Variants in ECHDC1 observed in about 807,000 individuals in gnomAD.
ECHDC1 encodes the protein ethylmalonyl-CoA decarboxylase 1.
In ECHDC1, 29 loss-of-function variants were observed where a neutral mutation model predicts 29.7. That is an observed-to-expected ratio of 0.98 (90% CI 0.73 to 1.33). The LOEUF (loss-of-function observed/expected upper bound fraction) is 1.33. ECHDC1 is among the 40% of genes most tolerant of loss of function. The probability of loss-of-function intolerance (pLI) is 0.00; values close to 1 mark genes in which losing one functional copy is unlikely to be tolerated. For missense variants in ECHDC1, 328 were observed against 350.0 expected, an observed-to-expected ratio of 0.94 and a Z score of 0.50; for synonymous variants, 126 against 123.1, an observed-to-expected ratio of 1.02 and a Z score of -0.15.
At chr6:127,294,651 A>G (rs1277366789) in intron 5 of ECHDC1, 1 of 152,126 alleles carries the variant, frequency 6.6e-6, no homozygotes, top group Non-Finnish European at 1.5e-5. Context: ...AGATATAAAA[A>G]TGTTTTGTGA....
chr6:127,321,901 G>T (rs1209520195), intron 3 of ECHDC1, among the ~76,000 whole-genome samples: 1 of 152,142 alleles, frequency 6.6e-6, no homozygotes, highest in East Asian at 1.9e-4. Context: ...TACTTGGGAG[G>T]CTGAGGCAGG....
intron 1 of ECHDC1, among the ~76,000 whole-genome samples, chr6:127,333,851 CTTCT>C (rs1358931176): frequency 7.2e-5 from 11 of 152,104 alleles, no homozygotes; most frequent in African/African-American, 1.2e-4. Flanking sequence ...AGTATCACTT[CTTCT>C]TTGTTTTTTC....
At chr6:127,293,336 T>A (rs1780348280) in intron 5 of ECHDC1, among the ~76,000 whole-genome samples, 1 of 152,156 alleles carries the variant, frequency 6.6e-6, no homozygotes. Flanking sequence ...GTAAATTCTG[T>A]GATGAAGGAT....
At chr6:127,342,454 A>G in intron 1 of ECHDC1, 2 of 1,410,982 alleles carry the variant, frequency 1.4e-6, no homozygotes, top group Non-Finnish European at 1.9e-6. Flanking sequence ...CTTTCAGGCC[A>G]GAACCCAATA....
At chr6:127,315,556 G>T in intron 4 of ECHDC1, 1 of 211,932 alleles carries the variant, frequency 4.7e-6, no homozygotes, top group Non-Finnish European at 9.6e-6. Flanking sequence ...AATTTTTGTA[G>T]GTTCTGACCT....
intron 1 of ECHDC1, among the ~76,000 whole-genome samples, chr6:127,331,273 T>C (rs1283313477): frequency 2.6e-5 from 4 of 151,792 alleles, no homozygotes; most frequent in Non-Finnish European, 4.4e-5. Flanking sequence ...AGCTTCCCAA[T>C]TACCTGAGAC....
chr6:127,291,465 G>A (rs1468210886), intron 5 of ECHDC1, among the ~76,000 whole-genome samples: 1 of 151,814 alleles, frequency 6.6e-6, no homozygotes, highest in East Asian at 1.9e-4. Flanking sequence ...TTTCCCTAAC[G>A]GGTTCATTTT....
At chr6:127,303,873 G>GAC (rs1187581855) in intron 5 of ECHDC1, among the ~76,000 whole-genome samples, 1 of 152,198 alleles carries the variant, frequency 6.6e-6, no homozygotes, top group African/African-American at 2.4e-5. Flanking sequence ...TTACAGCTCA[G>GAC]ACAAGTCAGA....
chr6:127,340,287 A>T (rs557025659), intron 1 of ECHDC1, among the ~76,000 whole-genome samples: 132 of 152,316 alleles, frequency 8.7e-4, no homozygotes, highest in African/African-American at 2.9e-3. Flanking sequence ...CAATTTACCC[A>T]GTAGGTATTG....
chr6:127,330,723 TTC>T, intron 2 of ECHDC1, 84 bp downstream of exon 2: 1 of 1,151,730 alleles, frequency 8.7e-7, no homozygotes, highest in South Asian at 1.4e-5. Flanking sequence ...CTTTAAAACA[TTC>T]TGTCACCACA....
chr6:127,342,979 T>G (rs1199509267), intron 1 of ECHDC1: 1 of 152,284 alleles, frequency 6.6e-6, no homozygotes, highest in Non-Finnish European at 1.5e-5. Context: ...GCACAGGGCC[T>G]CGAATGTATT....
chr6:127,326,740 G>A (rs957845181), intron 3 of ECHDC1: 2 of 411,962 alleles, frequency 4.9e-6, no homozygotes, highest in Non-Finnish European at 8.9e-6. Context: ...AACTGAGAGT[G>A]TTCTGCTAAA....
chr6:127,296,899 G>A (rs568157397), intron 5 of ECHDC1, among the ~76,000 whole-genome samples: 9 of 152,194 alleles, frequency 5.9e-5, no homozygotes, highest in Non-Finnish European at 8.8e-5. Flanking sequence ...CAGTTACTCC[G>A]GAGGCTGAGG....
At chr6:127,298,361 A>C (rs1016132441) in intron 5 of ECHDC1, among the ~76,000 whole-genome samples, 3 of 152,162 alleles carry the variant, frequency 2.0e-5, no homozygotes, top group African/African-American at 7.2e-5. Flanking sequence ...AAAGCCAAGC[A>C]GTCTGAGTTT....
At chr6:127,299,277 TATCATAGGAGATCA>T (rs1370230311) in intron 5 of ECHDC1, among the ~76,000 whole-genome samples, 1 of 152,054 alleles carries the variant, frequency 6.6e-6, no homozygotes, top group Non-Finnish European at 1.5e-5. Context: ...ACAGCATTAT[TATCATAGGAGATCA>T]CAGCTCCATG....
intron 5 of ECHDC1, among the ~76,000 whole-genome samples, chr6:127,293,606 T>C: frequency 6.6e-6 from 1 of 152,244 alleles, no homozygotes; most frequent in South Asian, 2.1e-4. Context: ...AATTCTTTTA[T>C]AGATAGAGTG....
At chr6:127,342,045 C>T (rs1784998717) in intron 1 of ECHDC1, among the ~76,000 whole-genome samples, 1 of 152,268 alleles carries the variant, frequency 6.6e-6, no homozygotes, top group Admixed American at 6.5e-5. Flanking sequence ...TTTTCGCCAT[C>T]TCAAGCTTTC....
intron 5 of ECHDC1, among the ~76,000 whole-genome samples, chr6:127,299,927 C>T (rs1780927473): frequency 6.6e-6 from 1 of 152,100 alleles, no homozygotes; most frequent in Non-Finnish European, 1.5e-5. Context: ...TTACAACTGC[C>T]TATAGTATTC....
At chr6:127,330,163 G>A (rs1267351377) in intron 2 of ECHDC1, among the ~76,000 whole-genome samples, 1 of 152,206 alleles carries the variant, frequency 6.6e-6, no homozygotes, top group African/African-American at 2.4e-5. Flanking sequence ...CACAGTGGTA[G>A]CGTAGTTCAA....
Sources: allele counts gnomAD v4.1 joint callset (sites outside exome capture counted in the v4.1 genomes callset), GRCh38; gene constraint gnomAD v4.1.1; transcripts MANE v1.5; gene names NCBI Gene and HGNC (gene_info 2026-07-23, HGNC 2026-07-21).